Variants in CDKL5 observed in about 807,000 individuals in gnomAD.
The protein encoded by CDKL5 is cyclin dependent kinase like 5.
CDKL5 carries 8 observed loss-of-function variants against 61.7 expected under a neutral mutation model. The observed-to-expected ratio is 0.13, with a 90% CI of 0.08 to 0.23. The LOEUF is 0.23. Among genes scored for constraint, CDKL5 ranks in the 10% least tolerant of loss-of-function variants. CDKL5 has a pLI of 1.00. For synonymous variants in CDKL5, 275 were observed against 272.3 expected (o/e 1.01, Z -0.10); for missense variants, 440 against 734.5 (o/e 0.60, Z 4.63).
At chrX:18,552,237 CAAAAAAAAAA>C in intron 3 of CDKL5, among the ~76,000 whole-genome samples, 1 of 38,774 alleles carries the variant, frequency 2.6e-5, no homozygotes, top group African/African-American at 9.7e-5. Flanking sequence ...GACTCCGTCT[CAAAAAAAAAA>C]AAAAAAGAAA....
chrX:18,481,498 G>A (rs760981175), intron 1 of CDKL5, among the ~76,000 whole-genome samples: 1 of 105,815 alleles, frequency 9.5e-6, no homozygotes, highest in Admixed American at 1.0e-4. Context: ...GGCTACAGGT[G>A]CGGGCCACCA....
intron 1 of CDKL5, among the ~76,000 whole-genome samples, chrX:18,433,235 A>G (rs1477255957): frequency 3.7e-5 from 4 of 107,263 alleles, no homozygotes; most frequent in Admixed American, 1.0e-4. Flanking sequence ...TCTCAAAAAA[A>G]AAAAAGAAAA....
At chrX:18,651,039 T>A (rs953932915) in intron 21 of CDKL5, among the ~76,000 whole-genome samples, 4 of 110,982 alleles carry the variant, frequency 3.6e-5, no homozygotes, top group Non-Finnish European at 7.6e-5. Flanking sequence ...GAATTTTGCA[T>A]GTTTTTCTGG....
chrX:18,582,202 GC>G (rs1163396442), intron 7 of CDKL5, among the ~76,000 whole-genome samples: 1 of 111,173 alleles, frequency 9.0e-6, no homozygotes, highest in East Asian at 2.8e-4. Flanking sequence ...ACACCCATAT[GC>G]CCAATATCTA....
At chrX:18,525,384 C>T (rs1393855678) in intron 3 of CDKL5, among the ~76,000 whole-genome samples, 1 of 111,842 alleles carries the variant, frequency 8.9e-6, no homozygotes, top group Admixed American at 9.5e-5. Context: ...CAGGCGTGAG[C>T]CACCGCGCCC....
At position 18,631,039 on chromosome X, in the gene CDKL5, G is replaced by A; in HGVS notation, c.*2282G>A. The A allele has an allele frequency of 2.7e-6, 2 of 752,090 alleles. No individual in the cohort carries two copies. The highest frequency in any genetic ancestry group is 3.1e-6 in the Non-Finnish European group (2 of 638,955). The allele number at this position is 752,090 out of a possible 1,213,427, so 62.0% of individuals were successfully genotyped here. ...TCACTGTGCTATGCGCTTAGGAACTGCACGGTCCCGTTGCCATGCTGTGGC... is the reference window on the plus strand; with the variant it reads ...TCACTGTGCTATGCGCTTAGGAACTACACGGTCCCGTTGCCATGCTGTGGC... On this transcript the variant is annotated 3_prime_UTR_variant, in exon 18 of 18. Coordinates refer to ENST00000623535, the MANE Select transcript of CDKL5 (RefSeq NM_001323289.2).
chrX:18,651,258 TGTGTGTGAGAGAGAGA>T (rs1359953076), intron 21 of CDKL5, among the ~76,000 whole-genome samples: 2 of 97,190 alleles, frequency 2.1e-5, no homozygotes, highest in Non-Finnish European at 4.0e-5. Flanking sequence ...TGTGTGTGTG[TGTGTGTGAGAGAGAGA>T]GAGAGAGAGA....
At position 18,554,985 on chromosome X, in the gene CDKL5, A is replaced by G. The variant is rs147770172; in HGVS notation, c.100-9492A>G. Among the ~76,000 whole-genome samples the G allele has an allele frequency of 4.3e-3, 475 of 111,330 alleles. 14 individuals carry two copies. Among genetic ancestry groups the G allele is most frequent in the Admixed American group, 0.042 (439 of 10,437 alleles). ...TTTAAGTTCTGGGGTACATGTGCAT[A>G]ACGCGTAGGTTTGTTACGTAGGTAT... On this transcript the variant is annotated intron_variant, in intron 3 of 17. Coordinates refer to ENST00000623535, the MANE Select transcript of CDKL5 (RefSeq NM_001323289.2).
At chrX:18,451,300 T>C (rs1932009856) in intron 1 of CDKL5, among the ~76,000 whole-genome samples, 1 of 110,949 alleles carries the variant, frequency 9.0e-6, no homozygotes, top group South Asian at 3.8e-4. Flanking sequence ...CAAACGATTC[T>C]CCTGCCTCAG....
intron 1 of CDKL5, among the ~76,000 whole-genome samples, chrX:18,478,389 C>G (rs1467607663): frequency 9.6e-6 from 1 of 104,095 alleles, no homozygotes. Flanking sequence ...CTCCCGGGTT[C>G]AAGTGATTTT....
Position 18,604,646 on chromosome X carries a change from G to A in CDKL5, c.1722G>A (p.Pro574=), listed in dbSNP as rs371603866. 43 of 1,210,301 alleles carry A rather than the reference G, an allele frequency of 3.6e-5. 1 individual carries two copies. The South Asian group carries it at 4.9e-4, about 14-fold the overall frequency. Residue 574 remains proline (P), a synonymous_variant, in exon 12 of 18, where the codon CCG becomes CCA. Transcript: ENST00000623535. ...HSKTMEELKL[P]EHMDSSHSHS... is the part of the protein sequence containing the mutation. ...AGACGATGGAGGAATTGAAGCTGCC[G>A]GAGCACATGGACAGTAGCCATTCCC... is the stretch of plus-strand genomic sequence containing the variant.
At chrX:18,457,143 A>T (rs375672266) in intron 1 of CDKL5, among the ~76,000 whole-genome samples, 2 of 107,496 alleles carry the variant, frequency 1.9e-5, no homozygotes, top group East Asian at 5.9e-4. Flanking sequence ...CTCAAACTCA[A>T]CTCCTCTTCT....
intron 1 of CDKL5, among the ~76,000 whole-genome samples, chrX:18,497,987 TAA>T (rs796962869): frequency 1.2e-4 from 11 of 91,115 alleles, no homozygotes; most frequent in Admixed American, 3.6e-4. Context: ...CCCAGCTAAT[TAA>T]AAAAAAAAAA....
chrX:18,565,565 C>T (rs1254570151), intron 4 of CDKL5, among the ~76,000 whole-genome samples: 1 of 112,072 alleles, frequency 8.9e-6, no homozygotes. Flanking sequence ...AGCTTACCTT[C>T]ATCAGCACAC....
chrX:18,615,226 A>G (rs910020461), intron 15 of CDKL5, among the ~76,000 whole-genome samples: 2 of 111,721 alleles, frequency 1.8e-5, no homozygotes, highest in East Asian at 2.8e-4. Context: ...TAATGCTGCT[A>G]TGACGTATTT....
intron 15 of CDKL5, among the ~76,000 whole-genome samples, chrX:18,615,045 C>A (rs1355512072): frequency 8.9e-6 from 1 of 111,904 alleles, no homozygotes; most frequent in Non-Finnish European, 1.9e-5. Flanking sequence ...TGTACAGAAA[C>A]CTAAAAAGAG....
At chrX:18,539,643 G>A (rs191729113) in intron 3 of CDKL5, among the ~76,000 whole-genome samples, 242 of 111,710 alleles carry the variant, frequency 2.2e-3, no homozygotes, top group Non-Finnish European at 3.6e-3. Flanking sequence ...CTGTCTTGGT[G>A]AATATTTTAT....
Position 18,636,736 on chromosome X carries a change from G to C in CDKL5, c.*7979G>C, listed in dbSNP as rs776223221. On this transcript the variant is annotated 3_prime_UTR_variant, in exon 18 of 18. Transcript: ENST00000623535. Reference sequence around the variant, plus strand: ...ATAAAGACAACTTAGTCAAGTGAAGGAAAGGGTAACAGACTTAGAAATGGC... The same window carrying C: ...ATAAAGACAACTTAGTCAAGTGAAGCAAAGGGTAACAGACTTAGAAATGGC... The C allele has an allele frequency of 9.0e-6, 1 of 111,519 alleles. No homozygotes were observed. Among genetic ancestry groups the C allele is most frequent in the East Asian group, 2.8e-4 (1 of 3,547 alleles). 9.2% of individuals were successfully genotyped at this position (111,519 alleles called of 1,213,427 possible). A position where few individuals can be genotyped will look rare whatever the true frequency, so the allele number is the denominator to read the frequency against.
Position 18,628,416 on chromosome X carries a change from G to T in CDKL5, c.2542G>T (p.Ala848Ser). 1 of 1,211,396 alleles carries T rather than the reference G, an allele frequency of 8.3e-7. No homozygotes were observed. Among genetic ancestry groups the T allele is most frequent in the Non-Finnish European group, 1.1e-6 (1 of 895,192 alleles). ...SLRKLLHLSS[A>S]SNHPASSDPR... is the part of the protein sequence containing the mutation. ...GCGCAAGTTGTTACATCTCTCTTCG[G>T]CCTCAAATCACCCGGCTTCCTCAGA... Residue 848 changes from alanine to serine, a missense_variant, in exon 18 of 18, where the codon GCC (alanine) becomes TCC (serine). Ala to Ser is a moderately conservative substitution (Grantham distance 99, BLOSUM62 1). Transcript: ENST00000623535.
Sources: allele counts gnomAD v4.1 joint callset (sites outside exome capture counted in the v4.1 genomes callset), GRCh38; gene constraint gnomAD v4.1.1; transcripts MANE v1.5; gene names NCBI Gene and HGNC (gene_info 2026-07-23, HGNC 2026-07-21).